The following TENM3 variants were observed in gnomAD, a reference collection of about 807,000 sequenced individuals.
The protein encoded by TENM3 is teneurin transmembrane protein 3, also known as teneurin-3.
In TENM3, 63 loss-of-function variants were observed where a neutral mutation model predicts 255.1. The ratio of observed to expected loss-of-function variants is 0.25; its 90% CI spans 0.20 to 0.30. The LOEUF (loss-of-function observed/expected upper bound fraction) is 0.30, where lower values mean the gene tolerates loss of function less well. Among genes scored for constraint, TENM3 ranks in the 10% least tolerant of loss-of-function variants. TENM3 has a pLI of 1.00. For missense variants in TENM3, 2,929 were observed against 3,461.1 expected (o/e 0.85, Z 3.86); for synonymous variants, 1,306 against 1,322.3 (o/e 0.99, Z 0.27).
At chr4:182,066,620 A>G in the TENM3 span, among the ~76,000 whole-genome samples, 162 of 147,616 alleles carry the variant, frequency 1.1e-3, no homozygotes, top group East Asian at 0.03. Flanking sequence ...ATATATATAT[A>G]TAAGCTTGGG....
chr4:181,630,344 T>C, the TENM3 span, among the ~76,000 whole-genome samples: 1 of 152,206 alleles, frequency 6.6e-6, no homozygotes, highest in Non-Finnish European at 1.5e-5. Flanking sequence ...CTCCTTCAGT[T>C]CTTCTCTGAT....
At chr4:182,313,999 C>A (rs918870372) in intron 1 of TENM3, among the ~76,000 whole-genome samples, 4 of 152,320 alleles carry the variant, frequency 2.6e-5, no homozygotes, top group Middle Eastern at 6.8e-3. Flanking sequence ...TATATTCTGT[C>A]TCCTTTCTCA....
At chr4:182,516,200 A>C (rs938032789) in intron 3 of TENM3, among the ~76,000 whole-genome samples, 1 of 152,240 alleles carries the variant, frequency 6.6e-6, no homozygotes, top group Non-Finnish European at 1.5e-5. Context: ...GTTAGGAACT[A>C]TTCATTCTGC....
intron 3 of TENM3, among the ~76,000 whole-genome samples, chr4:182,552,999 A>G (rs1742204483): frequency 1.3e-5 from 2 of 152,220 alleles, no homozygotes; most frequent in Non-Finnish European, 2.9e-5. Context: ...CATGCATGAT[A>G]CTGAATCAGT....
chr4:182,650,607 C>T (rs1753166134), intron 5 of TENM3, among the ~76,000 whole-genome samples: 1 of 149,412 alleles, frequency 6.7e-6, no homozygotes, highest in Admixed American at 6.7e-5. Context: ...TCTCCTTCTT[C>T]TCGTCTCTCT....
At chr4:182,704,631 T>C (rs1405268889) in intron 12 of TENM3, among the ~76,000 whole-genome samples, 1 of 152,200 alleles carries the variant, frequency 6.6e-6, no homozygotes, top group African/African-American at 2.4e-5. Context: ...GGTATTTTGC[T>C]TGGGTAGGTG....
chr4:182,005,247 A>G, the TENM3 span, among the ~76,000 whole-genome samples: 1 of 152,184 alleles, frequency 6.6e-6, no homozygotes, highest in Non-Finnish European at 1.5e-5. Flanking sequence ...ATTTTTGTAT[A>G]AGATGTAAGG....
At chr4:181,566,272 A>G in the TENM3 span, among the ~76,000 whole-genome samples, 22,685 of 152,190 alleles carry the variant, frequency 0.15, 1,762 homozygotes, top group South Asian at 0.2. Context: ...ACTAATATGC[A>G]ATCAAACTAG....
At chr4:181,927,147 T>C in the TENM3 span, among the ~76,000 whole-genome samples, 1 of 152,224 alleles carries the variant, frequency 6.6e-6, no homozygotes, top group East Asian at 1.9e-4. Context: ...GCACCTGGAA[T>C]GCAAGCGAGA....
chr4:182,072,748 A>T, the TENM3 span, among the ~76,000 whole-genome samples: 6 of 152,106 alleles, frequency 3.9e-5, no homozygotes, highest in Non-Finnish European at 8.8e-5. Context: ...TGGCCTGGGA[A>T]CTTGATGAAA....
the TENM3 span, among the ~76,000 whole-genome samples, chr4:181,931,359 T>C: frequency 1.7e-4 from 26 of 152,302 alleles, no homozygotes; most frequent in Middle Eastern, 3.4e-3. Context: ...CAAGCATTCC[T>C]ATACACCAAT....
At chr4:182,193,983 C>A (rs1753686664) in intron 1 of TENM3, among the ~76,000 whole-genome samples, 1 of 152,160 alleles carries the variant, frequency 6.6e-6, no homozygotes, top group Non-Finnish European at 1.5e-5. Context: ...ATGGCGTCCA[C>A]AACTTCATGG....
chr4:182,054,123 T>TACATCTTCC, the TENM3 span, among the ~76,000 whole-genome samples: 2 of 152,180 alleles, frequency 1.3e-5, no homozygotes, highest in Non-Finnish European at 1.5e-5. Context: ...ATCACTCATT[T>TACATCTTCC]ACATCTTCCA....
chr4:182,431,583 T>C (rs763063458), intron 3 of TENM3, among the ~76,000 whole-genome samples: 2 of 152,106 alleles, frequency 1.3e-5, no homozygotes, highest in Non-Finnish European at 2.9e-5. Flanking sequence ...GGATTTTACG[T>C]AGGACTTGGA....
the TENM3 span, among the ~76,000 whole-genome samples, chr4:181,583,233 C>T: frequency 1.1e-4 from 17 of 151,378 alleles, no homozygotes; most frequent in African/African-American, 1.9e-4. Flanking sequence ...TACTTTAAAA[C>T]GATCTGTGTG....
At chr4:181,603,702 T>A in the TENM3 span, among the ~76,000 whole-genome samples, 2,204 of 152,264 alleles carry the variant, frequency 0.014, 31 homozygotes, top group South Asian at 0.048. Context: ...CTTTGATAAG[T>A]ATAAAAAAGC....
the TENM3 span, among the ~76,000 whole-genome samples, chr4:181,449,832 G>T: frequency 1.2e-3 from 185 of 152,226 alleles, no homozygotes; most frequent in Non-Finnish European, 8.1e-4. Context: ...ATATGATTAA[G>T]AAAGGAGTTA....
chr4:182,410,505 G>A (rs924319025), intron 3 of TENM3, among the ~76,000 whole-genome samples: 3 of 152,276 alleles, frequency 2.0e-5, no homozygotes, highest in Admixed American at 6.5e-5. Context: ...AGTAGCTCTC[G>A]GCTGGCAAGC....
intron 3 of TENM3, among the ~76,000 whole-genome samples, chr4:182,396,220 T>C (rs1237762515): frequency 6.6e-6 from 1 of 152,228 alleles, no homozygotes; most frequent in Non-Finnish European, 1.5e-5. Context: ...CATCTCTGGC[T>C]TCCTTCCAGG....
Sources: gnomAD v4.1 joint callset for allele counts (sites outside exome capture counted in the v4.1 genomes callset) on GRCh38, gnomAD v4.1.1 for gene constraint, MANE v1.5 for transcripts, NCBI Gene and HGNC (gene_info 2026-07-23, HGNC 2026-07-21) for gene names.